Variants in PLN observed in about 807,000 individuals in gnomAD.
The protein encoded by PLN is phospholamban.
PLN carries 1 observed loss-of-function variant against 3.9 expected under a neutral mutation model. That is an observed-to-expected ratio of 0.26 (90% CI 0.09 to 1.23). The LOEUF (loss-of-function observed/expected upper bound fraction) is 1.23. Among genes scored for constraint, PLN ranks in the 50% most tolerant of loss-of-function variants. The probability of loss-of-function intolerance (pLI) is 0.48; values close to 1 mark genes in which losing one functional copy is unlikely to be tolerated. For missense variants in PLN, 59 were observed against 62.7 expected (o/e 0.94, Z 0.20); for synonymous variants, 21 against 20.5 (o/e 1.02, Z -0.07).
chr6:118,558,975 T>G lies in PLN; in HGVS notation c.54T>G (p.Ile18Met). 5 of 1,613,028 alleles carry G rather than the reference T, an allele frequency of 3.1e-6. No homozygotes were observed. The highest frequency in any genetic ancestry group is 4.2e-6 in the Non-Finnish European group (5 of 1,178,998). ...TRSAIRRAST[I>M]EMPQQARQKL... Reference sequence around the variant, plus strand: ...CAGCTATAAGAAGAGCCTCAACCATTGAAATGCCTCAACAAGCACGTCAAA... The same window carrying G: ...CAGCTATAAGAAGAGCCTCAACCATGGAAATGCCTCAACAAGCACGTCAAA... Residue 18 changes from isoleucine to methionine, a missense_variant, in exon 2 of 2, where the codon ATT becomes ATG. Physicochemically the swap from Ile to Met is conservative, Grantham distance 10. Transcript: ENST00000357525.
chr6:118,555,965 C>T (rs1175488236), intron 1 of PLN, among the ~76,000 whole-genome samples: 1 of 152,076 alleles, frequency 6.6e-6, no homozygotes, highest in Non-Finnish European at 1.5e-5. Context: ...TCCATGTTCC[C>T]GCAAAAGACA....
chr6:118,559,241 T>G lies in PLN; in HGVS notation c.*161T>G. 2.9e-6 allele frequency: 2 copies of G among 693,118 alleles called. No homozygotes were observed. The highest frequency in any genetic ancestry group is 5.3e-6 in the Non-Finnish European group (2 of 375,422). 42.9% of individuals were successfully genotyped at this position (693,118 alleles called of 1,614,324 possible). A position where few individuals can be genotyped will look rare whatever the true frequency, so the allele number is the denominator to read the frequency against. On this transcript the variant is annotated 3_prime_UTR_variant, in exon 2 of 2. Transcript: ENST00000357525. ...AAGACTAAAACTTATTGTTACCATA[T>G]GTATTCATCTGTTGGATCTTGTAAA...
At chr6:118,557,584 G>A (rs1475338059) in intron 1 of PLN, among the ~76,000 whole-genome samples, 1 of 152,182 alleles carries the variant, frequency 6.6e-6, no homozygotes, top group African/African-American at 2.4e-5. Flanking sequence ...GAGTGTGAGT[G>A]TGTACATGAG....
chr6:118,558,684 G>C lies in PLN; in HGVS notation c.-97-141G>C, dbSNP rs1583046557. On this transcript the variant is annotated intron_variant, in intron 1 of 1. Coordinates refer to ENST00000357525, the MANE Select transcript of PLN (RefSeq NM_002667.5). ...ACAGAGAGAGAGAGAGAGAGAGAGA[G>C]AGAGGGAGAGAGACTATAGAAACAT... is the stretch of plus-strand genomic sequence containing the variant. The C allele has an allele frequency of 1.7e-5, 9 of 526,536 alleles. No homozygotes were observed. In the East Asian group the frequency reaches 3.0e-4, roughly 18 times the overall value. 32.6% of individuals were successfully genotyped at this position (526,536 alleles called of 1,614,324 possible).
At chr6:118,557,651 G>T (rs1486614661) in intron 1 of PLN, among the ~76,000 whole-genome samples, 1 of 152,178 alleles carries the variant, frequency 6.6e-6, no homozygotes, top group Admixed American at 6.5e-5. Flanking sequence ...TCCTTGAGCT[G>T]CTGGGATTGG....
chr6:118,555,232 C>A (rs1288319689), intron 1 of PLN, among the ~76,000 whole-genome samples: 2 of 151,996 alleles, frequency 1.3e-5, no homozygotes, highest in Non-Finnish European at 2.9e-5. Context: ...GAGATCGAGA[C>A]CATCCTGGCT....
intron 1 of PLN, among the ~76,000 whole-genome samples, chr6:118,554,663 A>G (rs1246769778): frequency 6.6e-6 from 1 of 152,224 alleles, no homozygotes; most frequent in Non-Finnish European, 1.5e-5. Flanking sequence ...CCTCATATAG[A>G]TAACACTAAA....
chr6:118,553,894 C>G (rs1178745780), intron 1 of PLN, among the ~76,000 whole-genome samples: 1 of 152,168 alleles, frequency 6.6e-6, no homozygotes, highest in African/African-American at 2.4e-5. Flanking sequence ...CCTCATTTTT[C>G]TCACCTGTGA....
intron 1 of PLN, among the ~76,000 whole-genome samples, chr6:118,557,045 G>A (rs1008902385): frequency 6.6e-6 from 1 of 152,176 alleles, no homozygotes; most frequent in Non-Finnish European, 1.5e-5. Flanking sequence ...GTCTGTGGTA[G>A]TGAGATAATA....
intron 1 of PLN, among the ~76,000 whole-genome samples, chr6:118,550,563 A>T (rs911451558): frequency 1.3e-5 from 2 of 151,872 alleles, no homozygotes; most frequent in East Asian, 3.9e-4. Flanking sequence ...TTGATACTGC[A>T]TCCCTATTCT....
rs1265237235 is a variant in PLN, at chr6:118,559,117, A to G, written c.*37A>G. The G allele has an allele frequency of 6.5e-7, 1 of 1,530,876 alleles. No homozygotes were observed. Among genetic ancestry groups the G allele is most frequent in the Non-Finnish European group, 9.1e-7 (1 of 1,104,052 alleles). 94.8% of individuals were successfully genotyped at this position (1,530,876 alleles called of 1,614,324 possible). ...AACCTCTAGATCTGCAGCTTGCCAC[A>G]TCAGCTTAAAATCTGTCATCCCATG... On this transcript the variant is annotated 3_prime_UTR_variant, in exon 2 of 2. Transcript: ENST00000357525.
intron 1 of PLN, among the ~76,000 whole-genome samples, chr6:118,549,070 A>G (rs1778379991): frequency 6.6e-6 from 1 of 152,032 alleles, no homozygotes; most frequent in Admixed American, 6.6e-5. Context: ...TATCATAAAG[A>G]AGTTTAGAAA....
intron 1 of PLN, among the ~76,000 whole-genome samples, chr6:118,554,590 ACTATCAGT>A (rs1407945705): frequency 6.6e-6 from 1 of 152,232 alleles, no homozygotes; most frequent in Non-Finnish European, 1.5e-5. Context: ...TACTTCAGAA[ACTATCAGT>A]CTAGCTGGGG....
intron 1 of PLN, among the ~76,000 whole-genome samples, chr6:118,551,723 A>G (rs903865081): frequency 3.3e-5 from 5 of 152,008 alleles, no homozygotes; most frequent in African/African-American, 1.2e-4. Context: ...ATGCATATAC[A>G]ATTATTTTCA....
chr6:118,553,233 G>T (rs1482693966), intron 1 of PLN, among the ~76,000 whole-genome samples: 1 of 118,736 alleles, frequency 8.4e-6, no homozygotes, highest in Non-Finnish European at 1.8e-5. Context: ...AAAAAAAAAA[G>T]GAAACTCATA....
At chr6:118,551,128 A>G (rs895069854) in intron 1 of PLN, among the ~76,000 whole-genome samples, 13 of 151,942 alleles carry the variant, frequency 8.6e-5, no homozygotes, top group African/African-American at 3.1e-4. Flanking sequence ...TCACATTTCG[A>G]TACTTTATTC....
At position 118,559,639 on chromosome 6, in the gene PLN, C is replaced by T. The variant is rs1562260795; in HGVS notation, c.*559C>T. ...AACTATCAGAATCTACATTCTAAAA[C>T]AGAAATTGTATTTTTTCTATGCCAC... On this transcript the variant is annotated 3_prime_UTR_variant, in exon 2 of 2. Transcript: ENST00000357525. The T allele has an allele frequency of 1.2e-5, 2 of 169,168 alleles. No homozygotes were observed. The highest frequency in any genetic ancestry group is 2.9e-5 in the Non-Finnish European group (2 of 69,546). The allele number at this position is 169,168 out of a possible 1,614,324, so 10.5% of individuals were successfully genotyped here.
intron 1 of PLN, among the ~76,000 whole-genome samples, chr6:118,553,670 A>G (rs1039405797): frequency 6.6e-6 from 1 of 152,238 alleles, no homozygotes; most frequent in Non-Finnish European, 1.5e-5. Flanking sequence ...ATTTGTTTCC[A>G]GAAACAAACT....
intron 1 of PLN, among the ~76,000 whole-genome samples, chr6:118,557,197 C>T (rs1248384195): frequency 2.0e-5 from 3 of 152,176 alleles, no homozygotes; most frequent in Admixed American, 2.0e-4. Context: ...TGGTAAAACA[C>T]TTCCCATTTA....
Sources: allele counts gnomAD v4.1 joint callset (sites outside exome capture counted in the v4.1 genomes callset), GRCh38; gene constraint gnomAD v4.1.1; transcripts MANE v1.5; gene names NCBI Gene and HGNC (gene_info 2026-07-23, HGNC 2026-07-21).